The following LSS variants were observed in gnomAD, a reference collection of about 807,000 sequenced individuals.
The protein encoded by LSS is lanosterol synthase, also known as 2,3-epoxysqualene-lanosterol cyclase.
In LSS, 90 loss-of-function variants were observed where a neutral mutation model predicts 110.3. The ratio of observed to expected loss-of-function variants is 0.82; its 90% CI spans 0.69 to 0.97. The LOEUF (loss-of-function observed/expected upper bound fraction) is 0.97, where lower values mean the gene tolerates loss of function less well. Among genes scored for constraint, LSS ranks in the 50% least tolerant of loss-of-function variants. LSS has a pLI of 0.00. For synonymous variants in LSS, 433 were observed against 400.0 expected (o/e 1.08, Z -0.98); for missense variants, 927 against 990.0 (o/e 0.94, Z 0.85).
At chr21:46,211,528 A>G (rs767548062) in intron 11 of LSS, among the ~76,000 whole-genome samples, 9 of 152,180 alleles carry the variant, frequency 5.9e-5, no homozygotes, top group Admixed American at 2.0e-4. Flanking sequence ...GCTCACAGGT[A>G]CACAGCCTGG....
intron 17 of LSS, among the ~76,000 whole-genome samples, chr21:46,197,390 GA>G (rs2079923015): frequency 6.6e-6 from 1 of 151,660 alleles, no homozygotes; most frequent in African/African-American, 2.4e-5. Context: ...ACTTTTCCCA[GA>G]AAAAAAACTC....
At chr21:46,202,160 C>T (rs1252212434) in intron 17 of LSS, among the ~76,000 whole-genome samples, 4 of 137,428 alleles carry the variant, frequency 2.9e-5, no homozygotes, top group South Asian at 2.5e-4. Flanking sequence ...TTTGGGAGGC[C>T]GAGGCGGGCG....
chr21:46,191,428 T>C (rs2079813945), intron 21 of LSS, among the ~76,000 whole-genome samples, 193 bp from the exon 22 acceptor site: 1 of 151,996 alleles, frequency 6.6e-6, no homozygotes, highest in Non-Finnish European at 1.5e-5. Flanking sequence ...CAGCTCAGAC[T>C]CCCCGCCCTG....
chr21:46,207,278 A>T, intron 15 of LSS, 150 bp downstream of exon 15: 1 of 952,424 alleles, frequency 1.0e-6, no homozygotes, highest in South Asian at 1.7e-5. Flanking sequence ...CAGAGCTCAC[A>T]GTTCTCCACA....
Position 46,191,953 on chromosome 21 carries a change from AG to A in LSS, c.1994del (p.Pro665LeufsTer96). The A allele has an allele frequency of 6.2e-7, 1 of 1,613,086 alleles. No homozygotes were observed. Among genetic ancestry groups the A allele is most frequent in the Non-Finnish European group, 8.5e-7 (1 of 1,179,476 alleles). On this transcript the variant is annotated frameshift_variant, in exon 21 of 22. Coordinates refer to ENST00000397728, the MANE Select transcript of LSS (RefSeq NM_002340.6). LOFTEE classifies it high-confidence loss of function. ...CTCCTCTCTCCTGGGCCTCGATGTC[AG>A]GATGCCTGGTGGAAGAGAAGGCTGA... is the stretch of plus-strand genomic sequence containing the variant. ...AMMGLMAVRH[P>X]DIEAQERGVR...
Position 46,207,477 on chromosome 21 carries a change from T to C in LSS, c.1418A>G (p.His473Arg). The C allele has an allele frequency of 6.2e-7, 1 of 1,612,586 alleles. No individual in the cohort carries two copies. Among genetic ancestry groups the C allele is most frequent in the Non-Finnish European group, 8.5e-7 (1 of 1,179,618 alleles). ...AVLLLQEKCP[H>R]VTEHIPRERL... is the part of the protein sequence containing the mutation. Reference sequence around the variant, plus strand: ...TTCTCTGGGGATGTGCTCGGTGACATGGGGACACTTCTCCTGCAGGAGCAG... The same window carrying C: ...TTCTCTGGGGATGTGCTCGGTGACACGGGGACACTTCTCCTGCAGGAGCAG... The change falls in exon 15 of 22, where the codon CAT (histidine) becomes CGT (arginine). Residue 473 changes from histidine (H) to arginine (R), a missense_variant. By Grantham distance (29) the His-to-Arg change is conservative (BLOSUM62 0). Coordinates refer to ENST00000397728, the MANE Select transcript of LSS (RefSeq NM_002340.6).
intron 17 of LSS, among the ~76,000 whole-genome samples, chr21:46,197,382 T>C (rs1233368321): frequency 3.3e-5 from 5 of 152,052 alleles, no homozygotes. Flanking sequence ...AAATGTAAAC[T>C]TTTCCCAGAA....
At chr21:46,193,159 ATC>A (rs1356101363) in intron 20 of LSS, 6 of 444,620 alleles carry the variant, frequency 1.3e-5, no homozygotes, top group African/African-American at 8.3e-5. Flanking sequence ...CTGTGTGTGC[ATC>A]TGTCTTCATG....
intron 2 of LSS, among the ~76,000 whole-genome samples, chr21:46,228,179 G>A (rs1200710361): frequency 6.6e-6 from 1 of 152,246 alleles, no homozygotes; most frequent in Non-Finnish European, 1.5e-5. Flanking sequence ...AACTATCTTT[G>A]CAACTCTCCT....
intron 12 of LSS, 38 bp downstream of exon 12, chr21:46,210,650 G>A (rs761201887): frequency 6.9e-6 from 11 of 1,605,102 alleles, no homozygotes; most frequent in African/African-American, 2.7e-5. Flanking sequence ...TGCACAGGAA[G>A]GTCAGCTGAG....
At chr21:46,210,851 C>A (rs969373470) in intron 11 of LSS, 107 bp from the exon 12 acceptor site, 1 of 1,023,180 alleles carries the variant, frequency 9.8e-7, no homozygotes, top group South Asian at 1.3e-5. Context: ...GGGGCTCCCA[C>A]CCAGCCAACG....
chr21:46,209,831 G>A lies in LSS; in HGVS notation c.1195-206C>T, dbSNP rs796101219. 2.0e-5 allele frequency among the ~76,000 whole-genome samples: 3 copies of A among 152,260 alleles called. No homozygotes were observed. The highest frequency in any genetic ancestry group is 7.2e-5 in the African/African-American group (3 of 41,542). On this transcript the variant is annotated intron_variant, in intron 12 of 21. Transcript: ENST00000397728. The surrounding 1 kb of genome is among the most constrained non-coding windows in gnomAD (Gnocchi z 4.4). Reference sequence around the variant, plus strand: ...AAGTCCATGAGATATGACTGAAGATGGAAGGGCGCAGGAGACCATTTATGG... The same window carrying A: ...AAGTCCATGAGATATGACTGAAGATAGAAGGGCGCAGGAGACCATTTATGG...
Position 46,215,293 on chromosome 21 carries a change from G to A in LSS, c.898C>T (p.Leu300Phe). ...SWLLRVVYAL[L>F]NLYEHHHSAH... ...CTGTGGTGGTGCTCATACAGGTTGA[G>A]GAGCGCTACAGGGGACAGGGGTCAG... Residue 300 changes from leucine (L) to phenylalanine (F), a missense_variant, in exon 9 of 22, where the codon CTC (leucine) becomes TTC (phenylalanine). Physicochemically the swap from Leu to Phe is conservative, Grantham distance 22. Coordinates refer to ENST00000397728, the MANE Select transcript of LSS (RefSeq NM_002340.6). 3.1e-6 allele frequency: 5 copies of A among 1,605,688 alleles called. No homozygotes were observed. Among genetic ancestry groups the A allele is most frequent in the Non-Finnish European group, 4.2e-6 (5 of 1,177,374 alleles).
At chr21:46,218,332 C>CAAGACACTGGTTA (rs113016720) in intron 6 of LSS, among the ~76,000 whole-genome samples, 97,388 of 150,620 alleles carry the variant, frequency 0.65, 31,478 homozygotes, top group African/African-American at 0.71. Context: ...TAAAATGTTA[C>CAAGACACTGGTTA]AAGACACCAC....
rs117378205 is a variant in LSS, at chr21:46,190,060, A to G, written c.*1044T>C. On this transcript the variant is annotated 3_prime_UTR_variant, in exon 22 of 22. Transcript: ENST00000397728. This position sits in a 1 kb window ranked among gnomAD's most constrained non-coding sequence, Gnocchi z 4.6. ...CCCAGAGCACCCACCTGGGCATGAG[A>G]CTGGCGGCAGCCGTAGGGGTGCCCT... is the stretch of plus-strand genomic sequence containing the variant. The G allele has an allele frequency of 1.0e-3, 271 of 267,540 alleles. 4 individuals carry two copies. The East Asian group carries it at 0.027, about 27-fold the overall frequency. 16.6% of individuals were successfully genotyped at this position (267,540 alleles called of 1,614,324 possible). A position where few individuals can be genotyped will look rare whatever the true frequency, so the allele number is the denominator to read the frequency against.
intron 19 of LSS, among the ~76,000 whole-genome samples, chr21:46,195,009 G>A (rs1244768207): frequency 2.6e-5 from 4 of 152,194 alleles, no homozygotes; most frequent in Non-Finnish European, 5.9e-5. Flanking sequence ...ACATCCACAC[G>A]GCAGACTCTG....
intron 6 of LSS, 125 bp downstream of exon 6, chr21:46,219,351 T>C: frequency 1.7e-6 from 1 of 582,412 alleles, no homozygotes; most frequent in Non-Finnish European, 2.9e-6. Flanking sequence ...GGAGCCTAAC[T>C]CCACCCACCC....
At chr21:46,203,708 C>A (rs1168197646) in intron 17 of LSS, among the ~76,000 whole-genome samples, 1 of 152,226 alleles carries the variant, frequency 6.6e-6, no homozygotes, top group Non-Finnish European at 1.5e-5. Context: ...GCCCTCCTAG[C>A]TGCACCTGTG....
chr21:46,208,365 G>C, intron 13 of LSS, 64 bp from the exon 14 acceptor site: 2 of 1,375,722 alleles, frequency 1.5e-6, no homozygotes, highest in Non-Finnish European at 2.0e-6. Context: ...TCCCCATCTG[G>C]GACATCGCTG....
Sources: allele counts gnomAD v4.1 joint callset (sites outside exome capture counted in the v4.1 genomes callset), GRCh38; gene constraint gnomAD v4.1.1; non-coding constraint Gnocchi (gnomAD v3.1); transcripts MANE v1.5; gene names NCBI Gene and HGNC (gene_info 2026-07-23, HGNC 2026-07-21).